MOB1B: variants seen among roughly 807,000 people sequenced by gnomAD.
MOB1B encodes MOB1 Mps One Binder homolog B.
A neutral mutation model predicts 24.4 loss-of-function variants in MOB1B; 19 were observed. That is an observed-to-expected ratio of 0.78 (90% CI 0.54 to 1.14). The LOEUF is 1.14. Among genes scored for constraint, MOB1B ranks in the 50% most tolerant of loss-of-function variants. MOB1B has a pLI of 0.00. For synonymous variants in MOB1B, 76 were observed against 82.1 expected, an observed-to-expected ratio of 0.93 and a Z score of 0.40; for missense variants, 243 against 259.6, an observed-to-expected ratio of 0.94 and a Z score of 0.44.
intron 1 of MOB1B, among the ~76,000 whole-genome samples, chr4:70,947,175 TG>T: frequency 6.6e-6 from 1 of 152,318 alleles, no homozygotes. Context: ...ACTAAAAAAT[TG>T]GGGATGATAT....
chr4:70,938,573 G>C (rs2148883347), intron 1 of MOB1B, among the ~76,000 whole-genome samples: 2 of 152,064 alleles, frequency 1.3e-5, no homozygotes, highest in Admixed American at 1.3e-4. Context: ...CCTCAGGGTT[G>C]GGGTGGTACA....
In MOB1B at chr4:70,983,334, T is replaced by C. The variant is rs1739276862; in HGVS notation, c.*1277T>C. On this transcript the variant is annotated 3_prime_UTR_variant, in exon 6 of 6. Coordinates refer to ENST00000309395, the MANE Select transcript of MOB1B (RefSeq NM_173468.4). ...GGTTTTTCCACCCTGAAAGGAAATG[T>C]TTTTCTTTGCAGCAGTATTAGATAA... 1 of 152,518 alleles carries C rather than the reference T, an allele frequency of 6.6e-6. No individual in the cohort carries two copies. The highest frequency in any genetic ancestry group is 6.6e-5 in the Admixed American group (1 of 15,254). 9.4% of individuals were successfully genotyped at this position (152,518 alleles called of 1,614,324 possible). A position where few individuals can be genotyped will look rare whatever the true frequency, so the allele number is the denominator to read the frequency against.
intron 1 of MOB1B, among the ~76,000 whole-genome samples, chr4:70,924,919 A>G (rs930268951): frequency 1.3e-5 from 2 of 152,230 alleles, no homozygotes; most frequent in African/African-American, 2.4e-5. Context: ...AAGAACCAAC[A>G]TTTTTTAAAA....
At chr4:70,955,380 T>C (rs868619891) in intron 1 of MOB1B, among the ~76,000 whole-genome samples, 16 of 152,108 alleles carry the variant, frequency 1.1e-4, no homozygotes, top group Non-Finnish European at 2.1e-4. Flanking sequence ...ACCACATTAG[T>C]TATAGGAGAC....
intron 1 of MOB1B, among the ~76,000 whole-genome samples, chr4:70,919,533 C>G (rs1736338684): frequency 6.6e-6 from 1 of 152,238 alleles, no homozygotes; most frequent in East Asian, 1.9e-4. Flanking sequence ...GAGTCTTGCT[C>G]TGTTGCCCAG....
chr4:70,938,628 G>T (rs983673766), intron 1 of MOB1B, among the ~76,000 whole-genome samples: 48 of 151,260 alleles, frequency 3.2e-4, no homozygotes, highest in African/African-American at 1.1e-3. Flanking sequence ...AGGTATAACT[G>T]CTTTTTAAAC....
chr4:70,975,389 T>C (rs2148902592), intron 4 of MOB1B, 103 bp downstream of exon 4: 1 of 1,522,974 alleles, frequency 6.6e-7, no homozygotes, highest in Non-Finnish European at 8.7e-7. Flanking sequence ...GAGTTCTTTA[T>C]GGCTGTGTTG....
At chr4:70,908,930 A>C (rs557245087) in intron 1 of MOB1B, among the ~76,000 whole-genome samples, 21 of 151,600 alleles carry the variant, frequency 1.4e-4, no homozygotes, top group Non-Finnish European at 2.9e-4. Context: ...GGGCGCCTGT[A>C]ATCCCAGCTA....
Position 70,986,503 on chromosome 4 carries a change from C to T in MOB1B, c.*4446C>T, listed in dbSNP as rs943107109. 3.3e-5 allele frequency: 5 copies of T among 151,722 alleles called. No homozygotes were observed. Among genetic ancestry groups the T allele is most frequent in the Admixed American group, 3.3e-4 (5 of 15,214 alleles). 9.4% of individuals were successfully genotyped at this position (151,722 alleles called of 1,614,324 possible). ...ATAATTTGGAAATGTGACTGCATAC[C>T]AATAAGAAAACTTACCTTATTTTGA... On this transcript the variant is annotated 3_prime_UTR_variant, in exon 6 of 6. Coordinates refer to ENST00000309395, the MANE Select transcript of MOB1B (RefSeq NM_173468.4).
chr4:70,926,802 C>T (rs1736674814), intron 1 of MOB1B, among the ~76,000 whole-genome samples: 1 of 151,576 alleles, frequency 6.6e-6, no homozygotes, highest in Non-Finnish European at 1.5e-5. Context: ...CGAGACCATC[C>T]TGGCTAACAC....
chr4:70,932,382 C>G (rs1044908659), intron 1 of MOB1B, among the ~76,000 whole-genome samples: 3 of 152,132 alleles, frequency 2.0e-5, no homozygotes, highest in Non-Finnish European at 4.4e-5. Flanking sequence ...CAGCAAAAAT[C>G]AAGGAATTTT....
At chr4:70,970,278 T>G (rs1325763351) in intron 3 of MOB1B, among the ~76,000 whole-genome samples, 2 of 152,174 alleles carry the variant, frequency 1.3e-5, no homozygotes, top group African/African-American at 2.4e-5. Flanking sequence ...CATTACGTAC[T>G]TCTCTGGAAG....
chr4:70,952,702 A>C (rs1189433901), intron 1 of MOB1B, among the ~76,000 whole-genome samples: 1 of 151,324 alleles, frequency 6.6e-6, no homozygotes, highest in African/African-American at 2.4e-5. Context: ...CTTATACCAG[A>C]TACTAGAAAC....
chr4:70,930,236 G>T (rs528933852), intron 1 of MOB1B, among the ~76,000 whole-genome samples: 1 of 152,018 alleles, frequency 6.6e-6, no homozygotes, highest in East Asian at 1.9e-4. Context: ...TTTACTACAG[G>T]CAATAAACTG....
chr4:70,911,308 A>G (rs536584206), intron 1 of MOB1B, among the ~76,000 whole-genome samples: 33 of 152,054 alleles, frequency 2.2e-4, no homozygotes, highest in Non-Finnish European at 4.4e-4. Flanking sequence ...CTTATAATAT[A>G]TTCTCCACTG....
rs543580299 is a variant in MOB1B at position 70,972,805 on chromosome 4, G to A, written c.276-2348G>A. On this transcript the variant is annotated intron_variant, in intron 3 of 5. Transcript: ENST00000309395. ...TATTTTATTTTTGAGACGGAGTCTC[G>A]CTCTTTCACCCAGGCCGGAGTGCAG... 5.3e-5 allele frequency among the ~76,000 whole-genome samples: 8 copies of A among 152,088 alleles called. No individual in the cohort carries two copies. The East Asian group carries it at 1.4e-3, about 26-fold the overall frequency.
At chr4:70,949,764 G>T (rs956052846) in intron 1 of MOB1B, among the ~76,000 whole-genome samples, 2 of 151,976 alleles carry the variant, frequency 1.3e-5, no homozygotes, top group Admixed American at 6.6e-5. Context: ...GGACATGGTG[G>T]CGTGAACCTG....
At chr4:70,906,861 T>C (rs1560625209) in intron 1 of MOB1B, among the ~76,000 whole-genome samples, 1 of 152,166 alleles carries the variant, frequency 6.6e-6, no homozygotes, top group Non-Finnish European at 1.5e-5. Context: ...GTGCCAGGCG[T>C]AGAGGAAGAT....
chr4:70,960,209 A>G (rs372183835), intron 2 of MOB1B, among the ~76,000 whole-genome samples: 2 of 152,254 alleles, frequency 1.3e-5, no homozygotes, highest in East Asian at 3.9e-4. Context: ...AAAAAAAGAT[A>G]TCAAGTAGTC....
Sources: gnomAD v4.1 joint callset for allele counts (sites outside exome capture counted in the v4.1 genomes callset) on GRCh38, gnomAD v4.1.1 for gene constraint, MANE v1.5 for transcripts, NCBI Gene and HGNC (gene_info 2026-07-23, HGNC 2026-07-21) for gene names.